Variants in CHD6 observed in about 807,000 individuals in gnomAD.
CHD6 encodes ATP-dependent chromatin remodeler CHD6.
In CHD6, 50 loss-of-function variants were observed where a neutral mutation model predicts 276.9. The ratio of observed to expected loss-of-function variants is 0.18; its 90% CI spans 0.14 to 0.23. CHD6 has a LOEUF of 0.23. CHD6 is among the 10% of genes least tolerant of loss of function. The pLI is 1.00. For synonymous variants in CHD6, 1,173 were observed against 1,229.3 expected (o/e 0.95, Z 0.96); for missense variants, 2,564 against 3,365.8 (o/e 0.76, Z 5.89).
chr20:41,449,504 C>T lies in CHD6; in HGVS notation c.3683+1442G>A, dbSNP rs6072374. ...TTGAAAGCCAATAGTATTCAATTCT[C>T]CTCCAAATGGAAGGGAAATCAATTC... On this transcript the variant is annotated intron_variant, in intron 23 of 36. Transcript: ENST00000373233. Among the ~76,000 whole-genome samples, 884 of 152,252 alleles carry T rather than the reference C, an allele frequency of 5.8e-3. 6 individuals are homozygous for T. Among genetic ancestry groups the T allele is most frequent in the Middle Eastern group, 0.017 (5 of 294 alleles).
chr20:41,525,465 G>C (rs531116287), intron 3 of CHD6, among the ~76,000 whole-genome samples: 20 of 152,250 alleles, frequency 1.3e-4, no homozygotes, highest in African/African-American at 4.6e-4. Context: ...CAAACACAGC[G>C]CCTGCCTGAG....
At chr20:41,417,146 C>T in intron 32 of CHD6, 52 bp downstream of exon 32, 1 of 1,535,592 alleles carries the variant, frequency 6.5e-7, no homozygotes, top group Non-Finnish European at 8.8e-7. Context: ...AAAAGCAATT[C>T]AAAGCTGGGA....
intron 5 of CHD6, among the ~76,000 whole-genome samples, chr20:41,508,794 TG>T (rs2044040274): frequency 6.6e-6 from 1 of 151,596 alleles, no homozygotes; most frequent in Non-Finnish European, 1.5e-5. Flanking sequence ...AGGGTTTAAG[TG>T]AGACAGAGAT....
intron 1 of CHD6, among the ~76,000 whole-genome samples, chr20:41,595,781 C>T (rs2045711056): frequency 6.6e-6 from 1 of 151,774 alleles, no homozygotes; most frequent in Admixed American, 6.6e-5. Flanking sequence ...AAGAACCCAC[C>T]CTTGAACCCT....
At chr20:41,534,946 G>A (rs1204014795) in intron 2 of CHD6, among the ~76,000 whole-genome samples, 1 of 152,180 alleles carries the variant, frequency 6.6e-6, no homozygotes, top group Non-Finnish European at 1.5e-5. Flanking sequence ...CCTGTGAAGT[G>A]CAGAGCTGTC....
rs1194254185 is a variant in CHD6, at chr20:41,547,186, T to C, written c.33+4119A>G. The stretch of plus-strand genomic sequence containing the variant: ...AATCATGGTAAAAGACAAAGTTTGA[T>C]GGTTACTTTTATTGTTAAACTGAAA... On this transcript the variant is annotated intron_variant, in intron 2 of 36. Transcript: ENST00000373233. 3.9e-5 allele frequency among the ~76,000 whole-genome samples: 6 copies of C among 152,326 alleles called. No individual in the cohort carries two copies. The East Asian group carries it at 1.2e-3, about 29-fold the overall frequency.
At chr20:41,489,069 C>T (rs183675187) in intron 12 of CHD6, among the ~76,000 whole-genome samples, 8 of 152,078 alleles carry the variant, frequency 5.3e-5, no homozygotes, top group South Asian at 4.2e-4. Context: ...CTAAGACAAG[C>T]GCTACTAGGC....
At chr20:41,484,289 T>A in intron 15 of CHD6, 63 bp downstream of exon 15, 1 of 1,573,150 alleles carries the variant, frequency 6.4e-7, no homozygotes. Flanking sequence ...GTTATTTGAT[T>A]ATCATTAGCT....
intron 27 of CHD6, among the ~76,000 whole-genome samples, chr20:41,430,731 CA>C (rs2145534176): frequency 6.6e-6 from 1 of 152,242 alleles, no homozygotes; most frequent in Non-Finnish European, 1.5e-5. Context: ...AGTCAAGTTC[CA>C]TATGAGAATA....
At chr20:41,581,607 C>T (rs1435239030) in intron 1 of CHD6, among the ~76,000 whole-genome samples, 2 of 150,708 alleles carry the variant, frequency 1.3e-5, no homozygotes, top group African/African-American at 4.9e-5. Flanking sequence ...CTCAGGGAGG[C>T]GGAGGCTGCA....
intron 3 of CHD6, among the ~76,000 whole-genome samples, chr20:41,532,760 T>C (rs985209065): frequency 1.4e-4 from 22 of 152,088 alleles, no homozygotes; most frequent in African/African-American, 4.3e-4. Flanking sequence ...AAAAGAATGG[T>C]TGGGGTCTGA....
intron 3 of CHD6, among the ~76,000 whole-genome samples, chr20:41,520,219 G>C (rs2044355918): frequency 6.6e-6 from 1 of 152,168 alleles, no homozygotes; most frequent in Non-Finnish European, 1.5e-5. Flanking sequence ...TTACACTGTT[G>C]GTGGGACTGT....
chr20:41,605,528 T>C (rs1418879767), intron 1 of CHD6, among the ~76,000 whole-genome samples: 2 of 152,230 alleles, frequency 1.3e-5, no homozygotes, highest in Non-Finnish European at 2.9e-5. Flanking sequence ...ACAAGTTAGA[T>C]GTTATTTTTA....
chr20:41,413,918 T>C (rs1426858080), intron 34 of CHD6: 1 of 156,348 alleles, frequency 6.4e-6, no homozygotes, highest in East Asian at 1.8e-4. Flanking sequence ...TCACCCTCTA[T>C]AGTTTGAATG....
At chr20:41,519,251 C>G (rs1369861309) in intron 3 of CHD6, among the ~76,000 whole-genome samples, 3 of 151,934 alleles carry the variant, frequency 2.0e-5, no homozygotes, top group Non-Finnish European at 2.9e-5. Flanking sequence ...CCACTGCACT[C>G]CAACCTGACT....
intron 1 of CHD6, among the ~76,000 whole-genome samples, chr20:41,607,405 C>T (rs2045840879): frequency 6.6e-6 from 1 of 152,210 alleles, no homozygotes; most frequent in South Asian, 2.1e-4. Flanking sequence ...ACACAAAGTG[C>T]ATTCCACAAA....
In CHD6 at chr20:41,416,644, C is replaced by G. The variant is rs1355510108; in HGVS notation, c.6430G>C (p.Glu2144Gln). ...TTGCTGAAGCTGTGTTCTGCTGCTT[C>G]CGGCTCTGAGAGGCTGGTTCGAGAA... Reference protein sequence around the residue: ...AGSRTSLSEPEAAEHSFSNGA... With the variant: ...AGSRTSLSEPQAAEHSFSNGA... Residue 2144 changes from glutamate (E) to glutamine (Q), a missense_variant, in exon 33 of 37, where the codon GAA (glutamate) becomes CAA (glutamine). Transcript: ENST00000373233. 2 of 1,613,860 alleles carry G rather than the reference C, an allele frequency of 1.2e-6. No individual in the cohort carries two copies. The highest frequency in any genetic ancestry group is 3.3e-5 in the Admixed American group (2 of 60,002).
At chr20:41,506,522 A>T (rs985049936) in intron 5 of CHD6, among the ~76,000 whole-genome samples, 1 of 152,126 alleles carries the variant, frequency 6.6e-6, no homozygotes, top group Non-Finnish European at 1.5e-5. Flanking sequence ...AGTGAAGGCA[A>T]CTCTGACCAC....
In CHD6 at chr20:41,514,875, T is replaced by C; in HGVS notation, c.632A>G (p.Glu211Gly). Residue 211 changes from glutamate to glycine, a missense_variant, in exon 4 of 37, where the codon GAG (glutamate) becomes GGG (glycine). Physicochemically the swap from Glu to Gly is moderately conservative, Grantham distance 98. Around this residue, in one of 7 missense-constraint regions of CHD6, gnomAD observed 286 missense variants for 297.8 expected, o/e 0.96. Coordinates refer to ENST00000373233, the MANE Select transcript of CHD6 (RefSeq NM_032221.5). ...RKSETTVESL[E>G]LDQGLTNPSL... ...TGGGTTCGTCAGGCCCTGATCCAGCTCTAAACTCTCCACTGTAGTTTCACT... is the reference window on the plus strand; with the variant it reads ...TGGGTTCGTCAGGCCCTGATCCAGCCCTAAACTCTCCACTGTAGTTTCACT... 6.2e-7 allele frequency: 1 copy of C among 1,614,104 alleles called. No homozygotes were observed. Among genetic ancestry groups the C allele is most frequent in the Non-Finnish European group, 8.5e-7 (1 of 1,179,982 alleles).
Sources: gnomAD v4.1 joint callset for allele counts (sites outside exome capture counted in the v4.1 genomes callset) on GRCh38, gnomAD v4.1.1 for gene constraint, gnomAD v4.1.1 regional missense constraint, MANE v1.5 for transcripts, NCBI Gene and HGNC (gene_info 2026-07-23, HGNC 2026-07-21) for gene names.